COLGALT1: variants seen among roughly 807,000 people sequenced by gnomAD.
The protein encoded by COLGALT1 is collagen beta(1-O)galactosyltransferase 1, also known as procollagen galactosyltransferase 1.
Under a neutral mutation model 60.8 loss-of-function variants are expected in COLGALT1, and 43 were observed. The ratio of observed to expected loss-of-function variants is 0.71; its 90% CI spans 0.55 to 0.91. The LOEUF is 0.91. COLGALT1 is among the 40% of genes least tolerant of loss of function. The probability of loss-of-function intolerance (pLI) is 0.00; values close to 1 mark genes in which losing one functional copy is unlikely to be tolerated. For synonymous variants in COLGALT1, 369 were observed against 374.2 expected, an observed-to-expected ratio of 0.99 and a Z score of 0.16; for missense variants, 845 against 880.0, an observed-to-expected ratio of 0.96 and a Z score of 0.50.
rs775095122 is a variant in COLGALT1, at chr19:17,577,250, G to A, written c.1005G>A (p.Pro335=). 4.3e-6 allele frequency: 7 copies of A among 1,613,132 alleles called. No homozygotes were observed. Among genetic ancestry groups the A allele is most frequent in the Non-Finnish European group, 5.9e-6 (7 of 1,179,682 alleles). The change falls in exon 7 of 12, where the codon CCG becomes CCA. Residue 335 remains proline, a synonymous_variant. Coordinates refer to ENST00000252599, the MANE Select transcript of COLGALT1 (RefSeq NM_024656.4). ...TCATCTCGGCTCCCACCAAGACACC[G>A]GACAAGATGGGCTTCGACGAGGTGA... ...SRFISAPTKT[P]DKMGFDEVFM... is the part of the protein sequence containing the mutation.
rs151059482 is a variant in COLGALT1 at position 17,581,337 on chromosome 19, C to G, written c.1762C>G (p.Arg588Gly). The G allele has an allele frequency of 2.5e-6, 4 of 1,613,502 alleles. No individual in the cohort carries two copies. The highest frequency in any genetic ancestry group is 1.7e-5 in the Admixed American group (1 of 59,994). Residue 588 changes from arginine to glycine, a missense_variant, in exon 12 of 12, where the codon CGC becomes GGC. Physicochemically the swap from Arg to Gly is moderately radical, Grantham distance 125 (BLOSUM62 -2). Transcript: ENST00000252599. The part of the protein sequence containing the change: ...NNEHVKTDWD[R>G]AKSQKMREQQ... The stretch of plus-strand genomic sequence containing the variant: ...TGAGCACGTCAAGACCGACTGGGAC[C>G]GCGCCAAGTCCCAGAAGATGCGGGA...
rs143412269 is a variant in COLGALT1, at chr19:17,580,798, C to T, written c.1494C>T (p.Ala498=). The change falls in exon 11 of 12, where the codon GCC becomes GCT. Residue 498 remains alanine, a synonymous_variant. Coordinates refer to ENST00000252599, the MANE Select transcript of COLGALT1 (RefSeq NM_024656.4). ...VEADYSYWTL[A]YVISLQGARK... is the part of the protein sequence containing the mutation. ...CCGACTATTCCTACTGGACCCTGGC[C>T]TACGTGATCTCCCTGCAAGGCGCCC... is the stretch of plus-strand genomic sequence containing the variant. The T allele has an allele frequency of 9.9e-6, 16 of 1,614,092 alleles. No homozygotes were observed. The highest frequency in any genetic ancestry group is 1.4e-5 in the Non-Finnish European group (16 of 1,180,008).
rs1008789509 is a variant in COLGALT1, at chr19:17,581,167, C to T, written c.1602-10C>T. 8.1e-6 allele frequency: 13 copies of T among 1,602,928 alleles called. No individual in the cohort carries two copies. Among genetic ancestry groups the T allele is most frequent in the South Asian group, 1.1e-5 (1 of 90,788 alleles). ...ATTGCTGCCCCTCACTCCCCTCCTC[C>T]TCCCCCCAGGTCCGAGTACAAGGCC... On this transcript the variant is annotated splice_polypyrimidine_tract_variant and intron_variant, in intron 11 of 11. Transcript: ENST00000252599.
intron 3 of COLGALT1, among the ~76,000 whole-genome samples, chr19:17,563,516 A>AT (rs1477403817): frequency 6.6e-6 from 1 of 152,002 alleles, no homozygotes; most frequent in Non-Finnish European, 1.5e-5. Context: ...CACCCGGCTA[A>AT]TTTTTTGTAT....
intron 3 of COLGALT1, among the ~76,000 whole-genome samples, chr19:17,561,099 G>A (rs1489515373): frequency 6.6e-6 from 1 of 151,144 alleles, no homozygotes; most frequent in African/African-American, 2.4e-5. Flanking sequence ...CGGCTACCTG[G>A]GAGGCTGAGG....
At chr19:17,568,392 G>A (rs936358410) in intron 4 of COLGALT1, 117 bp from the exon 5 acceptor site, 5 of 874,516 alleles carry the variant, frequency 5.7e-6, no homozygotes, top group Non-Finnish European at 9.4e-6. Flanking sequence ...TGGGACCACA[G>A]GCGCACACTG....
chr19:17,558,289 G>C (rs565861221), intron 1 of COLGALT1, among the ~76,000 whole-genome samples: 75 of 145,414 alleles, frequency 5.2e-4, no homozygotes, highest in Non-Finnish European at 9.3e-4. Flanking sequence ...TGGCCAGGCT[G>C]GTCTCAAACT....
chr19:17,580,005 C>G (rs2076369449), intron 10 of COLGALT1: 1 of 205,568 alleles, frequency 4.9e-6, no homozygotes, highest in East Asian at 1.1e-4. Context: ...GGGACCTGGC[C>G]GGAAGCCTGC....
At chr19:17,560,772 G>T (rs571972098) in intron 3 of COLGALT1, among the ~76,000 whole-genome samples, 2 of 151,816 alleles carry the variant, frequency 1.3e-5, no homozygotes, top group African/African-American at 2.4e-5. Flanking sequence ...TCACTCTGGT[G>T]CCCAGGCTGG....
intron 3 of COLGALT1, among the ~76,000 whole-genome samples, chr19:17,567,109 C>T (rs957646733): frequency 2.2e-4 from 33 of 151,110 alleles, no homozygotes; most frequent in Non-Finnish European, 3.2e-4. Flanking sequence ...AGCGAGACTC[C>T]GTCTCAAAAA....
chr19:17,556,042 G>A, intron 1 of COLGALT1, 69 bp downstream of exon 1: 1 of 1,262,238 alleles, frequency 7.9e-7, no homozygotes, highest in Non-Finnish European at 1.0e-6. Flanking sequence ...CATAGGGGTG[G>A]GTCCACGCGA....
rs780399866 is a variant in COLGALT1, at chr19:17,577,204, C to T, written c.959C>T (p.Pro320Leu). Residue 320 changes from proline to leucine, a missense_variant, in exon 7 of 12, where the codon CCG becomes CTG. Coordinates refer to ENST00000252599, the MANE Select transcript of COLGALT1 (RefSeq NM_024656.4). ...HVQLEVMVKH[P>L]PAEPSRFISA... ...CGTCTGTGCCCCACAGTGAAGCACC[C>T]GCCCGCAGAGCCCTCCCGCTTCATC... 2 of 1,613,140 alleles carry T rather than the reference C, an allele frequency of 1.2e-6. No homozygotes were observed. The highest frequency in any genetic ancestry group is 1.7e-5 in the Admixed American group (1 of 59,944).
rs755935692 is a variant in COLGALT1, at chr19:17,581,327, C to T, written c.1752C>T (p.Thr584=). The T allele has an allele frequency of 2.9e-5, 47 of 1,613,486 alleles. No homozygotes were observed. Among genetic ancestry groups the T allele is most frequent in the South Asian group, 6.6e-5 (6 of 91,052 alleles). The part of the protein sequence containing the change: ...SVVWNNEHVK[T]DWDRAKSQKM... Reference sequence around the variant, plus strand: ...TATGGAACAATGAGCACGTCAAGACCGACTGGGACCGCGCCAAGTCCCAGA... The same window carrying T: ...TATGGAACAATGAGCACGTCAAGACTGACTGGGACCGCGCCAAGTCCCAGA... The change falls in exon 12 of 12, where the codon ACC becomes ACT. Residue 584 remains threonine (T), a synonymous_variant. Transcript: ENST00000252599.
In COLGALT1 at chr19:17,568,496, T is replaced by C; in HGVS notation, c.625-13T>C. On this transcript the variant is annotated splice_polypyrimidine_tract_variant and intron_variant, in intron 4 of 11. Transcript: ENST00000252599. ...CAAGACCCCTACGCGGAACTCTCGC[T>C]CTCTCCCCACAGGGCTACTACAAGC... 3.7e-6 allele frequency: 6 copies of C among 1,611,880 alleles called. No individual in the cohort carries two copies. Among genetic ancestry groups the C allele is most frequent in the Non-Finnish European group, 5.1e-6 (6 of 1,178,156 alleles).
rs2076234470 is a variant in COLGALT1, at chr19:17,559,344, A to G, written c.294A>G (p.Ser98=). The change falls in exon 2 of 12, where the codon TCA becomes TCG. Residue 98 remains serine, a synonymous_variant. Transcript: ENST00000252599. ...CGGACCACAACATGGATAACACGTCAACTGTGCTGCGGGAGTGGCTGGTGG... is the reference window on the plus strand; with the variant it reads ...CGGACCACAACATGGATAACACGTCGACTGTGCTGCGGGAGTGGCTGGTGG... ...VATDHNMDNT[S]TVLREWLVAV... is the part of the protein sequence containing the mutation. 7 of 1,552,440 alleles carry G rather than the reference A, an allele frequency of 4.5e-6. No homozygotes were observed. Among genetic ancestry groups the G allele is most frequent in the Non-Finnish European group, 6.1e-6 (7 of 1,147,442 alleles).
intron 1 of COLGALT1, among the ~76,000 whole-genome samples, chr19:17,557,648 C>T (rs1003570537): frequency 5.3e-5 from 8 of 152,006 alleles, no homozygotes; most frequent in Admixed American, 2.6e-4. Context: ...GTCGCCCAGG[C>T]GGGAGTGCAG....
Position 17,567,480 on chromosome 19 carries a change from C to T in COLGALT1, c.564C>T (p.Val188=). The stretch of plus-strand genomic sequence containing the variant: ...TCATCGCTGAGAACAAGACGGTGGT[C>T]GCCCCCATGCTGGATTCCCGGGCTG... ...SLLIAENKTV[V]APMLDSRAAY... The change falls in exon 4 of 12, where the codon GTC becomes GTT. Residue 188 remains valine, a synonymous_variant. Transcript: ENST00000252599. 1.2e-6 allele frequency: 2 copies of T among 1,614,062 alleles called. No individual in the cohort carries two copies. The highest frequency in any genetic ancestry group is 1.1e-5 in the South Asian group (1 of 91,064).
At position 17,555,687 on chromosome 19, in the gene COLGALT1, A is replaced by G; in HGVS notation, c.-27A>G. The G allele has an allele frequency of 8.5e-7, 1 of 1,178,988 alleles. No individual in the cohort carries two copies. Among genetic ancestry groups the G allele is most frequent in the East Asian group, 3.8e-5 (1 of 26,484 alleles). The allele number at this position is 1,178,988 out of a possible 1,614,324, so 73.0% of individuals were successfully genotyped here. A position where few individuals can be genotyped will look rare whatever the true frequency, so the allele number is the denominator to read the frequency against. On this transcript the variant is annotated 5_prime_UTR_variant, in exon 1 of 12. Coordinates refer to ENST00000252599, the MANE Select transcript of COLGALT1 (RefSeq NM_024656.4). Reference sequence around the variant, plus strand: ...CGCGGCCAGAGTCCTCCCGCAGAAAAACGACTTAAAGGAGACGCGTGGCGC... The same window carrying G: ...CGCGGCCAGAGTCCTCCCGCAGAAAGACGACTTAAAGGAGACGCGTGGCGC...
chr19:17,557,367 T>C (rs2076218999), intron 1 of COLGALT1, among the ~76,000 whole-genome samples: 1 of 152,146 alleles, frequency 6.6e-6, no homozygotes, highest in Admixed American at 6.6e-5. Flanking sequence ...AGTGACACGA[T>C]CTCAGCTCAT....
Sources: gnomAD v4.1 joint callset for allele counts (sites outside exome capture counted in the v4.1 genomes callset) on GRCh38, gnomAD v4.1.1 for gene constraint, MANE v1.5 for transcripts, NCBI Gene and HGNC (gene_info 2026-07-23, HGNC 2026-07-21) for gene names.